The following ANKS1A variants were observed in gnomAD, a reference collection of about 807,000 sequenced individuals.
ANKS1A encodes ankyrin repeat and sterile alpha motif domain containing 1A, also known as ankyrin repeat and SAM domain-containing protein 1A.
A neutral mutation model predicts 120.3 loss-of-function variants in ANKS1A; 55 were observed. The ratio of observed to expected loss-of-function variants is 0.46; its 90% confidence interval spans 0.37 to 0.57. ANKS1A has a LOEUF of 0.57. Among genes scored for constraint, ANKS1A ranks in the 20% least tolerant of loss-of-function variants. ANKS1A has a pLI of 0.00. For missense variants in ANKS1A, 1,123 were observed against 1,480.3 expected (o/e 0.76, Z 3.96); for synonymous variants, 590 against 604.7 (o/e 0.98, Z 0.36).
intron 1 of ANKS1A, among the ~76,000 whole-genome samples, chr6:34,925,686 G>T (rs1768681677): frequency 6.6e-6 from 1 of 152,190 alleles, no homozygotes; most frequent in Non-Finnish European, 1.5e-5. Context: ...TGGGTGCGGA[G>T]AGGGATACTC....
intron 13 of ANKS1A, among the ~76,000 whole-genome samples, chr6:35,061,076 C>T (rs1215920457): frequency 6.6e-6 from 1 of 152,226 alleles, no homozygotes; most frequent in African/African-American, 2.4e-5. Context: ...TGGCGCCGTT[C>T]TTAGTGGTTT....
At chr6:34,904,323 G>T (rs57955553) in intron 1 of ANKS1A, among the ~76,000 whole-genome samples, 11,082 of 151,574 alleles carry the variant, frequency 0.073, 612 homozygotes, top group East Asian at 0.23. Flanking sequence ...TTTTTTTTCT[G>T]AATATTTTTT....
At chr6:34,943,930 A>G (rs562224193) in intron 1 of ANKS1A, among the ~76,000 whole-genome samples, 1 of 152,334 alleles carries the variant, frequency 6.6e-6, no homozygotes, top group South Asian at 2.1e-4. Flanking sequence ...ACTGAATCAT[A>G]TGGTAAGCGT....
rs570892220 is a variant in ANKS1A at position 34,923,376 on chromosome 6, C to T, written c.197+33777C>T. Among the ~76,000 whole-genome samples, 12 of 152,268 alleles carry T rather than the reference C, an allele frequency of 7.9e-5. 1 individual carries two copies. In the East Asian group the frequency reaches 2.1e-3, roughly 27 times the overall value. On this transcript the variant is annotated intron_variant, in intron 1 of 23. Coordinates refer to ENST00000360359, the MANE Select transcript of ANKS1A (RefSeq NM_015245.3). ...ACCTTGAGGCCAATGAAGGCTTTTT[C>T]GTCTTTGGGAACCCGGTTCTGACCA...
chr6:35,035,372 T>G (rs1211444453), intron 11 of ANKS1A, among the ~76,000 whole-genome samples: 1 of 152,244 alleles, frequency 6.6e-6, no homozygotes, highest in Non-Finnish European at 1.5e-5. Flanking sequence ...TTGTTTTACC[T>G]GTTTTATGTC....
intron 1 of ANKS1A, among the ~76,000 whole-genome samples, chr6:34,920,724 T>TA (rs1433833300): frequency 6.6e-6 from 1 of 152,076 alleles, no homozygotes; most frequent in East Asian, 1.9e-4. Flanking sequence ...AGTGATATTT[T>TA]AAAAAAAGAA....
chr6:35,026,321 G>A (rs1246133042), intron 11 of ANKS1A, among the ~76,000 whole-genome samples: 5 of 152,198 alleles, frequency 3.3e-5, no homozygotes, highest in Non-Finnish European at 7.3e-5. Context: ...TAAAATTGAA[G>A]TATATTTGTA....
chr6:34,998,771 A>C (rs939634040), intron 10 of ANKS1A, among the ~76,000 whole-genome samples: 2 of 152,104 alleles, frequency 1.3e-5, no homozygotes, highest in Non-Finnish European at 2.9e-5. Flanking sequence ...CTCCCAGCTG[A>C]TTAAAGCCAC....
intron 1 of ANKS1A, among the ~76,000 whole-genome samples, chr6:34,901,495 G>T (rs1356360705): frequency 6.6e-6 from 1 of 152,064 alleles, no homozygotes; most frequent in Non-Finnish European, 1.5e-5. Flanking sequence ...TTAGAACTGG[G>T]CTGAGGTGGG....
rs759938017 is a variant in ANKS1A, at chr6:35,018,041, C to T, written c.1992C>T (p.Phe664=). 1.7e-5 allele frequency: 27 copies of T among 1,613,556 alleles called. No individual in the cohort carries two copies. The East Asian group carries it at 1.8e-4, about 11-fold the overall frequency. The change falls in exon 11 of 24, where the codon TTC becomes TTT. Residue 664 remains phenylalanine, a synonymous_variant. Transcript: ENST00000360359. The part of the protein sequence containing the change: ...GKKRLEKSPS[F]ASEWDEIEKI... ...AAAGGCTAGAGAAGTCACCCTCCTT[C>T]GCCTCGGAGTGGGATGAGGTAAGGC...
At chr6:34,968,802 C>T (rs1018523046) in intron 2 of ANKS1A, among the ~76,000 whole-genome samples, 1 of 151,830 alleles carries the variant, frequency 6.6e-6, no homozygotes, top group Non-Finnish European at 1.5e-5. Flanking sequence ...GCAAGGAGCT[C>T]CAGAGCCCTC....
At chr6:35,041,841 G>A (rs551399933) in intron 11 of ANKS1A, among the ~76,000 whole-genome samples, 6 of 152,332 alleles carry the variant, frequency 3.9e-5, no homozygotes, top group African/African-American at 1.4e-4. Flanking sequence ...GAGGTGACCA[G>A]TCTGAACTTC....
Position 34,982,955 on chromosome 6 carries a change from A to G in ANKS1A, c.808+128A>G. 7.7e-7 allele frequency: 1 copy of G among 1,297,980 alleles called. No individual in the cohort carries two copies. The highest frequency in any genetic ancestry group is 1.1e-6 in the Non-Finnish European group (1 of 900,376). The allele number at this position is 1,297,980 out of a possible 1,614,324, so 80.4% of individuals were successfully genotyped here. A position where few individuals can be genotyped will look rare whatever the true frequency, so the allele number is the denominator to read the frequency against. On this transcript the variant is annotated intron_variant, in intron 5 of 23. Coordinates refer to ENST00000360359, the MANE Select transcript of ANKS1A (RefSeq NM_015245.3). This position sits in a 1 kb window ranked among gnomAD's most constrained non-coding sequence, Gnocchi z 4.9. ...GTATGTGTATCTCCACTGGTTGATT[A>G]CAAGTGTGTAAACTGTTCTTGAATA...
chr6:34,952,702 T>G (rs966869132), intron 1 of ANKS1A, among the ~76,000 whole-genome samples: 3 of 152,122 alleles, frequency 2.0e-5, no homozygotes, highest in Non-Finnish European at 2.9e-5. Flanking sequence ...GAAGAATATA[T>G]TTAAGTTCTT....
At chr6:34,896,470 C>G (rs1174129126) in intron 1 of ANKS1A, among the ~76,000 whole-genome samples, 1 of 152,066 alleles carries the variant, frequency 6.6e-6, no homozygotes, top group African/African-American at 2.4e-5. Context: ...TTTGCTTTCT[C>G]TAAAGCAGAG....
At chr6:34,993,181 T>G (rs1295390262) in intron 9 of ANKS1A, among the ~76,000 whole-genome samples, 1 of 152,266 alleles carries the variant, frequency 6.6e-6, no homozygotes, top group Non-Finnish European at 1.5e-5. Flanking sequence ...TAGCTTATTC[T>G]TATTTTTCTT....
intron 10 of ANKS1A, among the ~76,000 whole-genome samples, chr6:35,014,968 TGGGTA>T (rs1773928159): frequency 6.6e-6 from 1 of 152,208 alleles, no homozygotes; most frequent in Admixed American, 6.5e-5. Flanking sequence ...GCAACATCAC[TGGGTA>T]GCTTTGTTCT....
At chr6:35,056,971 C>T (rs1776255118) in intron 12 of ANKS1A, among the ~76,000 whole-genome samples, 1 of 151,932 alleles carries the variant, frequency 6.6e-6, no homozygotes, top group South Asian at 2.1e-4. Context: ...TGGTCAGTAT[C>T]AGGGTTCAGA....
intron 10 of ANKS1A, among the ~76,000 whole-genome samples, chr6:35,003,930 G>A (rs1040266410): frequency 3.3e-5 from 5 of 152,138 alleles, no homozygotes; most frequent in South Asian, 2.1e-4. Context: ...AACCAGACCC[G>A]AAACCAAGGA....
Sources: allele counts gnomAD v4.1 joint callset (sites outside exome capture counted in the v4.1 genomes callset), GRCh38; gene constraint gnomAD v4.1.1; non-coding constraint Gnocchi (gnomAD v3.1); transcripts MANE v1.5; gene names NCBI Gene and HGNC (gene_info 2026-07-23, HGNC 2026-07-21).